SORBS2: variants seen among roughly 807,000 people sequenced by gnomAD.
SORBS2 encodes the protein sorbin and SH3 domain-containing protein 2.
SORBS2 carries 46 observed loss-of-function variants against 97.7 expected under a neutral mutation model. The ratio of observed to expected loss-of-function variants is 0.47; its 90% CI spans 0.37 to 0.60. The LOEUF is 0.60. SORBS2 is among the 20% of genes least tolerant of loss of function. The pLI is 0.00. For missense variants in SORBS2, 1,316 were observed against 1,282.3 expected (o/e 1.03, Z -0.40); for synonymous variants, 476 against 473.4 (o/e 1.01, Z -0.07).
chr4:185,588,022 G>A (rs1030021547), intron 14 of SORBS2: 1 of 230,664 alleles, frequency 4.3e-6, no homozygotes, highest in South Asian at 7.2e-5. Flanking sequence ...CACCAGAGTC[G>A]GGGGTGAGGG....
intron 4 of SORBS2, among the ~76,000 whole-genome samples, chr4:185,672,194 A>G (rs753864531): frequency 5.3e-5 from 8 of 152,216 alleles, no homozygotes; most frequent in African/African-American, 9.7e-5. Context: ...CCTCCTTAGT[A>G]TCTACATACT....
chr4:185,873,872 CA>C (rs2099231833), intron 1 of SORBS2, among the ~76,000 whole-genome samples: 2 of 151,768 alleles, frequency 1.3e-5, no homozygotes, highest in Non-Finnish European at 2.9e-5. Flanking sequence ...ATAATTATGC[CA>C]ATATAAACTA....
chr4:185,637,888 T>C (rs2097049393), intron 4 of SORBS2, among the ~76,000 whole-genome samples, 191 bp downstream of exon 15: 1 of 152,108 alleles, frequency 6.6e-6, no homozygotes, highest in African/African-American at 2.4e-5. Flanking sequence ...ACAAACCACA[T>C]AGGAAATGTC....
At chr4:185,800,954 G>T (rs745610508) in intron 1 of SORBS2, among the ~76,000 whole-genome samples, 10 of 152,124 alleles carry the variant, frequency 6.6e-5, no homozygotes, top group Non-Finnish European at 1.2e-4. Flanking sequence ...GTGCAATGTG[G>T]TTTTATTCAC....
Position 185,638,845 on chromosome 4 carries a change from C to T in SORBS2, c.396+7823G>A, listed in dbSNP as rs2097075195. 5.6e-6 allele frequency: 8 copies of T among 1,423,920 alleles called. No homozygotes were observed. The East Asian group carries it at 2.3e-4, about 42-fold the overall frequency. The allele number at this position is 1,423,920 out of a possible 1,614,324, so 88.2% of individuals were successfully genotyped here. On this transcript the variant is annotated intron_variant, in intron 4 of 14. Coordinates refer to ENST00000418609, the Ensembl canonical transcript of SORBS2. ...GGGCTGCACCTGCACCTCTGCCGGGCATGAAGAAAGGTAAGGAAGGAAGGA... is the reference window on the plus strand; with the variant it reads ...GGGCTGCACCTGCACCTCTGCCGGGTATGAAGAAAGGTAAGGAAGGAAGGA...
intron 2 of SORBS2, chr4:185,773,211 G>T (rs918091964): frequency 2.0e-5 from 3 of 152,294 alleles, no homozygotes; most frequent in South Asian, 2.1e-4. Context: ...GCAGACCAAG[G>T]CTTCCCAGTA....
chr4:185,891,035 T>A (rs2099242259), intron 1 of SORBS2, among the ~76,000 whole-genome samples: 2 of 152,226 alleles, frequency 1.3e-5, no homozygotes, highest in South Asian at 4.1e-4. Flanking sequence ...AATAAAGGCG[T>A]CAGGACAGAC....
chr4:185,662,036 T>A (rs1350270499), intron 5 of SORBS2, 68 bp downstream of exon 8: 1 of 1,573,188 alleles, frequency 6.4e-7, no homozygotes, highest in Admixed American at 1.7e-5. Flanking sequence ...ATGCCGCATA[T>A]CTTTCTCCTG....
At chr4:185,746,296 T>C (rs1206760178) in intron 2 of SORBS2, among the ~76,000 whole-genome samples, 1 of 152,152 alleles carries the variant, frequency 6.6e-6, no homozygotes, top group Non-Finnish European at 1.5e-5. Flanking sequence ...GTCTCTCTTA[T>C]CTGGTTAGAG....
chr4:185,903,808 G>A (rs564463434), intron 1 of SORBS2, among the ~76,000 whole-genome samples: 1 of 152,268 alleles, frequency 6.6e-6, no homozygotes, highest in African/African-American at 2.4e-5. Context: ...GGTTGTAAAG[G>A]ATTCATGTTC....
intron 1 of SORBS2, among the ~76,000 whole-genome samples, chr4:185,878,002 A>G (rs11725739): frequency 0.41 from 61,786 of 151,756 alleles, 12,912 homozygotes; most frequent in East Asian, 0.56. Flanking sequence ...TCCAGTTAAA[A>G]TCAGGAACTA....
intron 1 of SORBS2, among the ~76,000 whole-genome samples, chr4:185,897,445 C>A (rs1206399366): frequency 6.6e-6 from 1 of 152,216 alleles, no homozygotes; most frequent in Non-Finnish European, 1.5e-5. Flanking sequence ...GCTGCCCATA[C>A]TTTGTTAAAC....
At chr4:185,769,189 T>C (rs2098955122) in intron 2 of SORBS2, among the ~76,000 whole-genome samples, 1 of 152,244 alleles carries the variant, frequency 6.6e-6, no homozygotes, top group African/African-American at 2.4e-5. Flanking sequence ...AATATTTGCA[T>C]ATCCATCCTG....
In SORBS2 at chr4:185,678,835, A is replaced by T. The variant is rs944179447; in HGVS notation, c.-197-13T>A. On this transcript the variant is annotated splice_polypyrimidine_tract_variant and intron_variant, in intron 2 of 20. Coordinates refer to the SORBS2 transcript ENST00000284776. ...TGAGAATCACGCCCTGAAAGAAAAA[A>T]AAATGTTGAAATTAAGACTAAGGTG... The T allele has an allele frequency of 4.0e-5, 58 of 1,441,388 alleles. No homozygotes were observed. The highest frequency in any genetic ancestry group is 1.8e-4 in the Middle Eastern group (1 of 5,574). 89.3% of individuals were successfully genotyped at this position (1,441,388 alleles called of 1,614,324 possible).
rs537749100 is a variant in SORBS2 at position 185,656,647 on chromosome 4, C to G, written c.-9G>C. On this transcript the variant is annotated 5_prime_UTR_variant, in exon 1 of 15. Coordinates refer to ENST00000418609, the Ensembl canonical transcript of SORBS2. ...GGTGTTGTTGCTTTCATCCTGTCCC[C>G]GGCTTCCTTCTCCCGGCTGGCACAA... The G allele has an allele frequency of 1.9e-6, 3 of 1,550,950 alleles. No homozygotes were observed. The African/African-American group carries it at 4.1e-5, about 21-fold the overall frequency.
At chr4:185,906,090 G>C (rs2149848827) in intron 1 of SORBS2, among the ~76,000 whole-genome samples, 1 of 152,284 alleles carries the variant, frequency 6.6e-6, no homozygotes, top group South Asian at 2.1e-4. Flanking sequence ...CTGGAGTGCA[G>C]TGGCACAATC....
chr4:185,691,138 G>A lies in SORBS2; in HGVS notation c.-197-12316C>T, dbSNP rs185870662. 4.3e-4 allele frequency among the ~76,000 whole-genome samples: 65 copies of A among 152,268 alleles called. 2 individuals carry two copies. Among genetic ancestry groups the A allele is most frequent in the African/African-American group, 1.5e-3 (63 of 41,552 alleles). On this transcript the variant is annotated intron_variant, in intron 2 of 20. Coordinates refer to the SORBS2 transcript ENST00000284776. Reference sequence around the variant, plus strand: ...GCTACTCTTGAACTCCTGACGTCGTGATCCACCTGATTCGGCCTCCCAGAG... The same window carrying A: ...GCTACTCTTGAACTCCTGACGTCGTAATCCACCTGATTCGGCCTCCCAGAG...
intron 1 of SORBS2, among the ~76,000 whole-genome samples, chr4:185,871,661 T>C (rs1267688604): frequency 6.6e-6 from 1 of 152,224 alleles, no homozygotes; most frequent in East Asian, 1.9e-4. Flanking sequence ...ACAGCAAGTC[T>C]TTCTCTCTCC....
chr4:185,684,685 A>T lies in SORBS2; in HGVS notation c.-197-5863T>A. 3 of 1,131,446 alleles carry T rather than the reference A, an allele frequency of 2.7e-6. No homozygotes were observed. Among genetic ancestry groups the T allele is most frequent in the Non-Finnish European group, 3.8e-6 (3 of 782,114 alleles). The allele number at this position is 1,131,446 out of a possible 1,614,324, so 70.1% of individuals were successfully genotyped here. A position where few individuals can be genotyped will look rare whatever the true frequency, so the allele number is the denominator to read the frequency against. On this transcript the variant is annotated intron_variant, in intron 2 of 20. Transcript: ENST00000284776. The surrounding 1 kb of genome is among the most constrained non-coding windows in gnomAD (Gnocchi z 4.2). Reference sequence around the variant, plus strand: ...TCATTTTCCTTTGCTTTTTACGTTTAGAACAAAAACAGTCAGAAGAGCTAG... The same window carrying T: ...TCATTTTCCTTTGCTTTTTACGTTTTGAACAAAAACAGTCAGAAGAGCTAG...
Sources: allele counts gnomAD v4.1 joint callset (sites outside exome capture counted in the v4.1 genomes callset), GRCh38; gene constraint gnomAD v4.1.1; non-coding constraint Gnocchi (gnomAD v3.1); transcripts MANE v1.5; gene names NCBI Gene and HGNC (gene_info 2026-07-23, HGNC 2026-07-21).